The following KDM6B variants were observed in gnomAD, a reference collection of about 807,000 sequenced individuals.
KDM6B encodes lysine demethylase 6B.
Under a neutral mutation model 150.4 loss-of-function variants are expected in KDM6B, and 22 were observed. The observed-to-expected ratio is 0.15, with a 90% CI of 0.10 to 0.21. The LOEUF is 0.21. Among genes scored for constraint, KDM6B ranks in the 10% least tolerant of loss-of-function variants. The pLI is 1.00. For synonymous variants in KDM6B, 1,148 were observed against 921.1 expected (o/e 1.25, Z -4.46); for missense variants, 1,984 against 2,234.3 (o/e 0.89, Z 2.26).
chr17:7,851,408 G>A lies in KDM6B; in HGVS notation c.3944+14G>A. 1.2e-6 allele frequency: 2 copies of A among 1,614,164 alleles called. No homozygotes were observed. The highest frequency in any genetic ancestry group is 1.3e-5 in the African/African-American group (1 of 75,050). On this transcript the variant is annotated intron_variant, in intron 16 of 23. Coordinates refer to ENST00000448097, the MANE Select transcript of KDM6B (RefSeq NM_001348716.2). ...AACCCCTCCTAGGTACTGTGCAGGTGTGCCCCTTCTGTTCCTGCTTCCTTC... is the reference window on the plus strand; with the variant it reads ...AACCCCTCCTAGGTACTGTGCAGGTATGCCCCTTCTGTTCCTGCTTCCTTC...
In KDM6B at chr17:7,847,354, C is replaced by T. The variant is rs1447674696; in HGVS notation, c.1159C>T (p.Pro387Ser). Residue 387 changes from proline (P) to serine (S), a missense_variant, in exon 11 of 24, where the codon CCT becomes TCT. By Grantham distance (74) the Pro-to-Ser change is moderately conservative. Transcript: ENST00000448097. ...AACCACCGCCTGCGTGCCTTACGCC[C>T]CTTCCCGGCCCCCTGGCCTCCCCGG... ...AATTACVPYA[P>S]SRPPGLPGTT... The T allele has an allele frequency of 6.2e-7, 1 of 1,612,156 alleles. No individual in the cohort carries two copies. The highest frequency in any genetic ancestry group is 1.3e-5 in the African/African-American group (1 of 75,002).
intron 14 of KDM6B, 128 bp downstream of exon 14, chr17:7,850,305 G>A: frequency 2.7e-6 from 2 of 729,690 alleles, no homozygotes; most frequent in Non-Finnish European, 4.6e-6. Context: ...TGATGGGTCT[G>A]CTGGCCTTGG....
chr17:7,853,018 C>G lies in KDM6B; in HGVS notation c.4629C>G (p.Ser1543=), dbSNP rs2078733444. 3 of 1,613,874 alleles carry G rather than the reference C, an allele frequency of 1.9e-6. No homozygotes were observed. The South Asian group carries it at 3.3e-5, about 18-fold the overall frequency. The change falls in exon 22 of 24, where the codon TCC becomes TCG. Residue 1543 remains serine, a synonymous_variant. Coordinates refer to ENST00000448097, the MANE Select transcript of KDM6B (RefSeq NM_001348716.2). ...FKMIKFCLLQ[S]MKHCQVQRES... Reference sequence around the variant, plus strand: ...TCCCCAGGTTCTGCCTGCTGCAGTCCATGAAGCACTGCCAGGTGCAACGCG... The same window carrying G: ...TCCCCAGGTTCTGCCTGCTGCAGTCGATGAAGCACTGCCAGGTGCAACGCG...
chr17:7,848,522 C>T lies in KDM6B; in HGVS notation c.2234C>T (p.Thr745Ile), dbSNP rs767822920. Residue 745 changes from threonine to isoleucine, a missense_variant, in exon 12 of 24, where the codon ACT becomes ATT. Thr to Ile is a moderately conservative substitution (Grantham distance 89, BLOSUM62 -1). Transcript: ENST00000448097. The stretch of plus-strand genomic sequence containing the variant: ...CCCACCGACACAGCCCCCACCACTA[C>T]TGCTCCTGCTGTCGCCGTCACCACC... Reference protein sequence around the residue: ...PFPTDTAPTTTAPAVAVTTTT... With the variant: ...PFPTDTAPTTIAPAVAVTTTT... 1 of 1,611,172 alleles carries T rather than the reference C, an allele frequency of 6.2e-7. No homozygotes were observed. The highest frequency in any genetic ancestry group is 2.2e-5 in the East Asian group (1 of 44,754).
chr17:7,836,617 G>T (rs1411999230), intron 1 of KDM6B, among the ~76,000 whole-genome samples: 1 of 152,246 alleles, frequency 6.6e-6, no homozygotes, highest in Non-Finnish European at 1.5e-5. Flanking sequence ...GCCGACTCCC[G>T]TCAGAAATGT....
At position 7,848,169 on chromosome 17, in the gene KDM6B, C is replaced by G. The variant is rs200709343; in HGVS notation, c.1881C>G (p.Ser627Arg). 260 of 1,612,516 alleles carry G rather than the reference C, an allele frequency of 1.6e-4. 2 individuals are homozygous for G. In the African/African-American group the frequency reaches 3.3e-3, roughly 20 times the overall value. ...CAGGAAGCTTCAGGCGCCCGGAGAG[C>G]CCCCGGCCCAGGGTCTCCTTCCCAA... ...NTSGSFRRPE[S>R]PRPRVSFPKT... is the part of the protein sequence containing the mutation. The change falls in exon 12 of 24, where the codon AGC becomes AGG. Residue 627 changes from serine to arginine, a missense_variant. Ser to Arg is a moderately radical substitution (Grantham distance 110). Coordinates refer to ENST00000448097, the MANE Select transcript of KDM6B (RefSeq NM_001348716.2).
rs781392343 is a variant in KDM6B, at chr17:7,848,801, C to T, written c.2513C>T (p.Ser838Phe). Reference sequence around the variant, plus strand: ...GGGCCCTTGCCCACCACTCAGTATTCCCCTGGCCCCCCATCAGGTGCTACC... The same window carrying T: ...GGGCCCTTGCCCACCACTCAGTATTTCCCTGGCCCCCCATCAGGTGCTACC... ...RPGPLPTTQY[S>F]PGPPSGATAL... The change falls in exon 12 of 24, where the codon TCC becomes TTC. Residue 838 changes from serine (S) to phenylalanine (F), a missense_variant. Around this residue, in one of 13 missense-constraint regions of KDM6B, gnomAD observed 1,379 missense variants for 1,275.6 expected, o/e 1.08. Transcript: ENST00000448097. 9 of 1,612,678 alleles carry T rather than the reference C, an allele frequency of 5.6e-6. No individual in the cohort carries two copies. The African/African-American group carries it at 9.3e-5, about 17-fold the overall frequency.
intron 2 of KDM6B, among the ~76,000 whole-genome samples, chr17:7,841,107 T>C (rs376185568): frequency 6.6e-6 from 1 of 152,220 alleles, no homozygotes; most frequent in South Asian, 2.1e-4. Flanking sequence ...TTTCCTCATC[T>C]GTAAAATGGG....
intron 1 of KDM6B, among the ~76,000 whole-genome samples, chr17:7,837,372 T>G (rs1460863504): frequency 1.3e-5 from 2 of 151,982 alleles, no homozygotes; most frequent in East Asian, 1.9e-4. Flanking sequence ...AGGAAAAGGG[T>G]CAAGAAACAG....
chr17:7,836,104 C>G (rs1296536894), intron 1 of KDM6B, among the ~76,000 whole-genome samples: 1 of 152,214 alleles, frequency 6.6e-6, no homozygotes, highest in East Asian at 1.9e-4. Context: ...CGCCCCTTCC[C>G]AAGGCTTCTC....
rs1282579811 is a variant in KDM6B, at chr17:7,847,004, C to G, written c.897C>G (p.Pro299=). 1.7e-5 allele frequency: 28 copies of G among 1,613,682 alleles called. No homozygotes were observed. The highest frequency in any genetic ancestry group is 2.4e-5 in the Non-Finnish European group (28 of 1,179,958). ...GCCCAGAGCGCAAGGGTTCAGCACC[C>G]CCAGAGCGCCAGGTGAGCCCCTGCC... The part of the protein sequence containing the change: ...AWGPERKGSA[P]PERQEQRHSL... The change falls in exon 10 of 24, where the codon CCC becomes CCG. Residue 299 remains proline (P), a synonymous_variant. Transcript: ENST00000448097.
rs1226013274 is a variant in KDM6B, at chr17:7,854,527, CTTTTCT to C, written c.*1011_*1016del. 1.3e-5 allele frequency: 2 copies of C among 152,662 alleles called. No individual in the cohort carries two copies. Among genetic ancestry groups the C allele is most frequent in the African/African-American group, 4.8e-5 (2 of 41,448 alleles). The allele number at this position is 152,662 out of a possible 1,614,324, so 9.5% of individuals were successfully genotyped here. A position where few individuals can be genotyped will look rare whatever the true frequency, so the allele number is the denominator to read the frequency against. ...AAACACAGACCTTCACCCCCACCCCCTTTTCTTTTTAAGTGTGAAACAACCCAGGGC... is the reference window on the plus strand; with the variant it reads ...AAACACAGACCTTCACCCCCACCCCCTTTTAAGTGTGAAACAACCCAGGGC... On this transcript the variant is annotated 3_prime_UTR_variant, in exon 24 of 24. Transcript: ENST00000448097.
chr17:7,846,096 C>G lies in KDM6B; in HGVS notation c.255C>G (p.Pro85=). The G allele has an allele frequency of 6.2e-7, 1 of 1,612,602 alleles. No individual in the cohort carries two copies. Among genetic ancestry groups the G allele is most frequent in the Non-Finnish European group, 8.5e-7 (1 of 1,179,610 alleles). ...YYAPGAPTPR[P]LHGKLESLHG... is the part of the protein sequence containing the mutation. ...TCTGTAGGGCGCCCACTCCAAGACC[C>G]CTCCATGGGAAGCTGGAATCCCTGC... The change falls in exon 7 of 24, where the codon CCC becomes CCG. Residue 85 remains proline (P), a synonymous_variant. Transcript: ENST00000448097.
In KDM6B at chr17:7,853,526, G is replaced by C. The variant is rs1296947477; in HGVS notation, c.*5G>C. 2.1e-6 allele frequency: 3 copies of C among 1,457,496 alleles called. No homozygotes were observed. The highest frequency in any genetic ancestry group is 5.1e-5 in the Admixed American group (2 of 39,058). The allele number at this position is 1,457,496 out of a possible 1,614,324, so 90.3% of individuals were successfully genotyped here. ...CCAGCCAGCACGTCGCGATGAGGCC[G>C]GACGCCCCGCCCGCCTGCCTGCCCG... On this transcript the variant is annotated 3_prime_UTR_variant, in exon 24 of 24. Coordinates refer to ENST00000448097, the MANE Select transcript of KDM6B (RefSeq NM_001348716.2).
In KDM6B at chr17:7,843,521, AG is replaced by A. The variant is rs1315187458; in HGVS notation, c.-268-1378del. Among the ~76,000 whole-genome samples, 1 of 152,164 alleles carries A rather than the reference AG, an allele frequency of 6.6e-6. No individual in the cohort carries two copies. The highest frequency in any genetic ancestry group is 1.5e-5 in the Non-Finnish European group (1 of 68,022). Reference sequence around the variant, plus strand: ...AACGACCTTGCCCCTTCGGGAAGGAAGGCTCTTTTCACCAGAAACCCGTCTG... The same window carrying A: ...AACGACCTTGCCCCTTCGGGAAGGAAGCTCTTTTCACCAGAAACCCGTCTG... On this transcript the variant is annotated intron_variant, in intron 2 of 23. Transcript: ENST00000448097. The surrounding 1 kb of genome is among the most constrained non-coding windows in gnomAD (Gnocchi z 4.5).
In KDM6B at chr17:7,845,866, C is replaced by T. The variant is rs1404718102; in HGVS notation, c.138-6C>T. ...GCCGTATATAACAGACTCCTTCTCT[C>T]TCCAGATGCTCAGCCAGCATTGGGC... On this transcript the variant is annotated splice_region_variant and splice_polypyrimidine_tract_variant and intron_variant, in intron 5 of 23. Transcript: ENST00000448097. The T allele has an allele frequency of 2.5e-6, 4 of 1,612,846 alleles. No individual in the cohort carries two copies. Among genetic ancestry groups the T allele is most frequent in the Non-Finnish European group, 3.4e-6 (4 of 1,178,826 alleles).
At chr17:7,845,067 A>C in intron 3 of KDM6B, 47 bp downstream of exon 3, 1 of 231,008 alleles carries the variant, frequency 4.3e-6, no homozygotes, top group South Asian at 5.1e-5. Flanking sequence ...TCCGGACTGG[A>C]AGCCTGGCAG....
chr17:7,847,016 G>T lies in KDM6B; in HGVS notation c.909G>T (p.Gln303His). 6.2e-7 allele frequency: 1 copy of T among 1,613,624 alleles called. No individual in the cohort carries two copies. Among genetic ancestry groups the T allele is most frequent in the East Asian group, 2.2e-5 (1 of 44,874 alleles). Residue 303 changes from glutamine to histidine, a missense_variant and splice_region_variant, in exon 10 of 24, where the codon CAG (glutamine) becomes CAT (histidine). Coordinates refer to ENST00000448097, the MANE Select transcript of KDM6B (RefSeq NM_001348716.2). ...AGGGTTCAGCACCCCCAGAGCGCCA[G>T]GTGAGCCCCTGCCTGTTGCCTTTCA... is the stretch of plus-strand genomic sequence containing the variant. Reference protein sequence around the residue: ...ERKGSAPPERQEQRHSLPHPY... With the variant: ...ERKGSAPPERHEQRHSLPHPY...
Position 7,846,646 on chromosome 17 carries a change from T to G in KDM6B, c.617T>G (p.Val206Gly). The G allele has an allele frequency of 1.2e-6, 2 of 1,614,086 alleles. No homozygotes were observed. Among genetic ancestry groups the G allele is most frequent in the Non-Finnish European group, 1.7e-6 (2 of 1,179,986 alleles). The change falls in exon 9 of 24, where the codon GTG becomes GGG. Residue 206 changes from valine (V) to glycine (G), a missense_variant. Physicochemically the swap from Val to Gly is moderately radical, Grantham distance 109. Transcript: ENST00000448097. ...AAGCGAGCTGCTGAACCCCCAGTGG[T>G]GCAGCCTGTGCCTCCTGCAGCACTC... The part of the protein sequence containing the change: ...PVKRAAEPPV[V>G]QPVPPAALSG...
Sources: gnomAD v4.1 joint callset for allele counts (sites outside exome capture counted in the v4.1 genomes callset) on GRCh38, gnomAD v4.1.1 for gene constraint, gnomAD v4.1.1 regional missense constraint, Gnocchi (gnomAD v3.1) non-coding constraint, MANE v1.5 for transcripts, NCBI Gene and HGNC (gene_info 2026-07-23, HGNC 2026-07-21) for gene names.